PRKCE: variants seen among roughly 807,000 people sequenced by gnomAD.
PRKCE encodes the protein protein kinase C epsilon.
In PRKCE, 16 loss-of-function variants were observed where a neutral mutation model predicts 85.4. The observed-to-expected ratio is 0.19, with a 90% confidence interval of 0.13 to 0.28. The LOEUF (loss-of-function observed/expected upper bound fraction) is 0.28. Ranked by LOEUF, PRKCE falls within the 10% of genes least tolerant of loss-of-function variation. The pLI is 1.00. For missense variants in PRKCE, 573 were observed against 975.2 expected (o/e 0.59, Z 5.49); for synonymous variants, 388 against 371.5 (o/e 1.04, Z -0.51).
intron 2 of PRKCE, among the ~76,000 whole-genome samples, chr2:45,863,982 C>G (rs1197359616): frequency 6.6e-6 from 1 of 152,194 alleles, no homozygotes; most frequent in East Asian, 1.9e-4. Flanking sequence ...CCTAGACTAG[C>G]TCTCACTTTT....
chr2:45,875,298 G>A (rs1193595890), intron 2 of PRKCE, among the ~76,000 whole-genome samples: 1 of 152,250 alleles, frequency 6.6e-6, no homozygotes, highest in East Asian at 1.9e-4. Context: ...AACTTCCACA[G>A]CATATCTGAT....
intron 2 of PRKCE, among the ~76,000 whole-genome samples, chr2:45,853,616 C>A (rs1226249886): frequency 1.3e-5 from 2 of 152,140 alleles, no homozygotes; most frequent in African/African-American, 4.8e-5. Flanking sequence ...GGATTAGGTG[C>A]TGCGTACACA....
Position 45,905,346 on chromosome 2 carries a change from T to G in PRKCE, c.412+62283T>G, listed in dbSNP as rs1208315500. 3.3e-5 allele frequency among the ~76,000 whole-genome samples: 5 copies of G among 152,238 alleles called. No individual in the cohort carries two copies. Among genetic ancestry groups the G allele is most frequent in the African/African-American group, 1.2e-4 (5 of 41,464 alleles). On this transcript the variant is annotated intron_variant, in intron 2 of 14. Transcript: ENST00000306156. The surrounding 1 kb of genome is among the most constrained non-coding windows in gnomAD (Gnocchi z 4.4). ...TCAAGGTGAACCCTGAATGAGTCCATTAGATTCCACAATCAATATCCAGCT... is the reference window on the plus strand; with the variant it reads ...TCAAGGTGAACCCTGAATGAGTCCAGTAGATTCCACAATCAATATCCAGCT...
chr2:46,064,651 GTT>G (rs1667454972), intron 10 of PRKCE, among the ~76,000 whole-genome samples: 1 of 152,198 alleles, frequency 6.6e-6, no homozygotes, highest in Admixed American at 6.5e-5. Context: ...TCTAAGCATA[GTT>G]AGACTCTGAT....
At chr2:46,003,461 A>G (rs764553470) in intron 7 of PRKCE, among the ~76,000 whole-genome samples, 1 of 152,248 alleles carries the variant, frequency 6.6e-6, no homozygotes, top group Non-Finnish European at 1.5e-5. Flanking sequence ...ATATCAATAT[A>G]TCTGAAAATA....
chr2:45,965,342 C>T (rs75800487), intron 2 of PRKCE, among the ~76,000 whole-genome samples: 1,700 of 152,320 alleles, frequency 0.011, 43 homozygotes, highest in East Asian at 0.11. Context: ...TGGAAAATTA[C>T]AAAATAAAAG....
intron 2 of PRKCE, among the ~76,000 whole-genome samples, chr2:45,859,357 T>C (rs1692959928): frequency 6.6e-6 from 1 of 152,240 alleles, no homozygotes; most frequent in Non-Finnish European, 1.5e-5. Flanking sequence ...AAATGATGGT[T>C]CAACAGATAC....
Position 45,910,450 on chromosome 2 carries a change from G to A in PRKCE, c.413-65979G>A, listed in dbSNP as rs925261322. ...TTTTCTCTAGCCTAGTACTACTTTG[G>A]GGGTGTGAGTTGCACGATAGAAAGG... On this transcript the variant is annotated intron_variant, in intron 2 of 14. Transcript: ENST00000306156. 1.7e-4 allele frequency among the ~76,000 whole-genome samples: 26 copies of A among 152,284 alleles called. 1 individual carries two copies. In the South Asian group the frequency reaches 2.7e-3, roughly 16 times the overall value.
intron 2 of PRKCE, among the ~76,000 whole-genome samples, chr2:45,878,861 GA>G (rs1273385068): frequency 1.3e-5 from 2 of 152,112 alleles, no homozygotes. Flanking sequence ...GCTGGCAATT[GA>G]AAAGCAAAGT....
rs771233290 is a variant in PRKCE at position 45,782,749 on chromosome 2, C to CTA, written c.349-60240_349-60239dup. Reference sequence around the variant, plus strand: ...TCAAACAATCTATACACACACACAACTATATATATATACACACACATACAC... The same window carrying CTA: ...TCAAACAATCTATACACACACACAACTATATATATATATACACACACATACAC... On this transcript the variant is annotated intron_variant, in intron 1 of 14. Transcript: ENST00000306156. Among the ~76,000 whole-genome samples, 6 of 151,622 alleles carry CTA rather than the reference C, an allele frequency of 4.0e-5. No individual in the cohort carries two copies. In the South Asian group the frequency reaches 8.3e-4, roughly 21 times the overall value.
chr2:45,821,982 C>T (rs919277223), intron 1 of PRKCE, among the ~76,000 whole-genome samples: 14 of 152,192 alleles, frequency 9.2e-5, no homozygotes, highest in Admixed American at 2.0e-4. Context: ...CTTGAGGGGG[C>T]TTAGTGACTG....
chr2:46,116,215 G>A (rs1672753148), intron 11 of PRKCE, among the ~76,000 whole-genome samples: 1 of 152,170 alleles, frequency 6.6e-6, no homozygotes, highest in South Asian at 2.1e-4. Flanking sequence ...CCAGCTTAGG[G>A]CTGTGTCCAA....
chr2:46,028,695 A>G (rs1207232407), intron 10 of PRKCE, among the ~76,000 whole-genome samples: 1 of 152,206 alleles, frequency 6.6e-6, no homozygotes, highest in Non-Finnish European at 1.5e-5. Flanking sequence ...AGTTCAGGGT[A>G]TATGTGCAGG....
intron 1 of PRKCE, among the ~76,000 whole-genome samples, chr2:45,794,509 A>G (rs1427545964): frequency 6.6e-6 from 1 of 152,126 alleles, no homozygotes; most frequent in Non-Finnish European, 1.5e-5. Context: ...TTCCTGCGGT[A>G]TTCTAGCACG....
intron 11 of PRKCE, among the ~76,000 whole-genome samples, chr2:46,119,962 G>A (rs1476415403): frequency 1.3e-5 from 2 of 152,204 alleles, no homozygotes; most frequent in African/African-American, 4.8e-5. Context: ...GGTACCCTGG[G>A]AGTTTGTAGC....
chr2:45,867,690 T>A (rs938705779), intron 2 of PRKCE, among the ~76,000 whole-genome samples: 8 of 152,246 alleles, frequency 5.3e-5, no homozygotes, highest in Admixed American at 2.0e-4. Context: ...ATTTTGCATA[T>A]CTTTTGTTAG....
At chr2:46,170,126 G>C (rs1175774000) in intron 14 of PRKCE, among the ~76,000 whole-genome samples, 1 of 152,162 alleles carries the variant, frequency 6.6e-6, no homozygotes, top group Non-Finnish European at 1.5e-5. Context: ...TGATGCATTT[G>C]AAAAATGTCA....
intron 2 of PRKCE, among the ~76,000 whole-genome samples, chr2:45,965,313 A>G (rs1701660769): frequency 6.6e-6 from 1 of 152,228 alleles, no homozygotes; most frequent in African/African-American, 2.4e-5. Context: ...ACTTGCAAAC[A>G]TTATCATCTA....
chr2:46,153,693 C>T (rs1008715070), intron 13 of PRKCE, among the ~76,000 whole-genome samples: 12 of 151,792 alleles, frequency 7.9e-5, no homozygotes, highest in African/African-American at 1.7e-4. Flanking sequence ...AGGAGGGTGA[C>T]GGGATGGCGG....
Sources: gnomAD v4.1 joint callset for allele counts (sites outside exome capture counted in the v4.1 genomes callset) on GRCh38, gnomAD v4.1.1 for gene constraint, Gnocchi (gnomAD v3.1) non-coding constraint, MANE v1.5 for transcripts, NCBI Gene and HGNC (gene_info 2026-07-23, HGNC 2026-07-21) for gene names.